ANKRD10: variants seen among roughly 807,000 people sequenced by gnomAD.
ANKRD10 encodes the protein ankyrin repeat domain 10, also known as ankyrin repeat domain-containing protein 10.
ANKRD10 carries 14 observed loss-of-function variants against 27.0 expected under a neutral mutation model. That is an observed-to-expected ratio of 0.52 (90% CI 0.34 to 0.81). ANKRD10 has a LOEUF of 0.81. Among genes scored for constraint, ANKRD10 ranks in the 40% least tolerant of loss-of-function variants. The pLI, the probability that ANKRD10 is intolerant of heterozygous loss-of-function variation, is 0.01. For missense variants in ANKRD10, 493 were observed against 544.0 expected, an observed-to-expected ratio of 0.91 and a Z score of 0.93; for synonymous variants, 250 against 224.5, an observed-to-expected ratio of 1.11 and a Z score of -1.01.
rs766786455 is a variant in ANKRD10 at position 110,893,182 on chromosome 13, G to A, written c.537C>T (p.Asn179=). 1.2e-6 allele frequency: 2 copies of A among 1,614,150 alleles called. No homozygotes were observed. Among genetic ancestry groups the A allele is most frequent in the Non-Finnish European group, 1.7e-6 (2 of 1,180,026 alleles). The change falls in exon 4 of 6, where the codon AAC becomes AAT. Residue 179 remains asparagine (N), a synonymous_variant. Coordinates refer to ENST00000267339, the MANE Select transcript of ANKRD10 (RefSeq NM_017664.4). ...AATGGTTCAGATGACAATTCTGGAG[G>A]TTCAAGAGAAACTGGGCACACTCTT... ...GFQECAQFLL[N]LQNCHLNHFY...
In ANKRD10 at chr13:110,880,092, C is replaced by T. The variant is rs755781873; in HGVS notation, c.808G>A (p.Val270Ile). Residue 270 changes from valine to isoleucine, a missense_variant, in exon 6 of 6, where the codon GTA becomes ATA. By Grantham distance (29) the Val-to-Ile change is conservative. Coordinates refer to ENST00000267339, the MANE Select transcript of ANKRD10 (RefSeq NM_017664.4). Reference sequence around the variant, plus strand: ...CATCCATTTGTCAATGTATTCGATACGGAGCTACTGTTTTTCATATCTGCA... The same window carrying T: ...CATCCATTTGTCAATGTATTCGATATGGAGCTACTGTTTTTCATATCTGCA... ...VVTDMKNSSS[V>I]SNTLTNGCVI... 1.9e-5 allele frequency: 30 copies of T among 1,613,736 alleles called. No homozygotes were observed. Among genetic ancestry groups the T allele is most frequent in the East Asian group, 1.1e-4 (5 of 44,876 alleles).
At chr13:110,889,257 G>A (rs1407230455) in intron 4 of ANKRD10, among the ~76,000 whole-genome samples, 3 of 152,062 alleles carry the variant, frequency 2.0e-5, no homozygotes, top group African/African-American at 7.2e-5. Flanking sequence ...CAGAGCAAAT[G>A]ATTGATAAAA....
intron 4 of ANKRD10, among the ~76,000 whole-genome samples, chr13:110,891,082 C>CT (rs2065060576): frequency 6.6e-6 from 1 of 152,114 alleles, no homozygotes. Context: ...TAAGTGATCT[C>CT]TTTTTAAAAA....
At position 110,879,378 on chromosome 13, in the gene ANKRD10, T is replaced by G; in HGVS notation, c.*259A>C. 2.9e-5 allele frequency: 13 copies of G among 454,280 alleles called. No individual in the cohort carries two copies. The highest frequency in any genetic ancestry group is 6.9e-5 in the East Asian group (2 of 28,792). 28.1% of individuals were successfully genotyped at this position (454,280 alleles called of 1,614,324 possible). On this transcript the variant is annotated 3_prime_UTR_variant, in exon 6 of 6. Transcript: ENST00000267339. ...GGTGACAGTATTAAAAAGACAATGT[T>G]GAGATTGGCATCAGAAAAACTCCAA... is the stretch of plus-strand genomic sequence containing the variant.
chr13:110,899,555 A>C (rs2065326289), intron 3 of ANKRD10, among the ~76,000 whole-genome samples: 1 of 152,210 alleles, frequency 6.6e-6, no homozygotes, highest in Admixed American at 6.5e-5. Flanking sequence ...TTCTAGTTTG[A>C]AGTTCTAAAA....
At chr13:110,904,242 T>G (rs780354386) in intron 3 of ANKRD10, 1 of 152,180 alleles carries the variant, frequency 6.6e-6, no homozygotes, top group Non-Finnish European at 1.5e-5. Flanking sequence ...GTCACCATAA[T>G]GCAGGGTCTT....
rs1447867000 is a variant in ANKRD10 at position 110,879,083 on chromosome 13, C to T, written c.*554G>A. 6.3e-6 allele frequency: 1 copy of T among 157,912 alleles called. No homozygotes were observed. Among genetic ancestry groups the T allele is most frequent in the Non-Finnish European group, 1.4e-5 (1 of 71,030 alleles). The allele number at this position is 157,912 out of a possible 1,614,324, so 9.8% of individuals were successfully genotyped here. ...TAAGGAGGGACCACTGTGTCCACAACTAAAACCTTCAACCACATGGTGATC... is the reference window on the plus strand; with the variant it reads ...TAAGGAGGGACCACTGTGTCCACAATTAAAACCTTCAACCACATGGTGATC... On this transcript the variant is annotated 3_prime_UTR_variant, in exon 6 of 6. Coordinates refer to ENST00000267339, the MANE Select transcript of ANKRD10 (RefSeq NM_017664.4).
chr13:110,880,232 C>T, intron 5 of ANKRD10, 120 bp from the exon 6 acceptor site: 2 of 871,130 alleles, frequency 2.3e-6, no homozygotes, highest in South Asian at 1.8e-5. Context: ...TCCTTTTAAA[C>T]CAGTTCTTTT....
intron 1 of ANKRD10, chr13:110,914,515 C>CCGCCCCG (rs1482764097): frequency 2.1e-5 from 12 of 561,380 alleles, no homozygotes; most frequent in Admixed American, 4.7e-5. Context: ...GACCTCGCTT[C>CCGCCCCG]CGCCCCGCGC....
At chr13:110,885,559 A>G (rs563673481) in intron 4 of ANKRD10, among the ~76,000 whole-genome samples, 1 of 152,188 alleles carries the variant, frequency 6.6e-6, no homozygotes, top group South Asian at 2.1e-4. Context: ...AAAAAAGAAA[A>G]AAAGAAAGAA....
At chr13:110,904,604 GTT>G (rs1167861520) in intron 3 of ANKRD10, among the ~76,000 whole-genome samples, 8 of 152,150 alleles carry the variant, frequency 5.3e-5, no homozygotes. Flanking sequence ...TATAATGAAA[GTT>G]TGTTATAAAA....
At chr13:110,897,464 A>T (rs539172587) in intron 3 of ANKRD10, among the ~76,000 whole-genome samples, 1 of 151,866 alleles carries the variant, frequency 6.6e-6, no homozygotes, top group East Asian at 1.9e-4. Flanking sequence ...CAGTACATGG[A>T]GTATTTATCT....
At chr13:110,896,456 C>T (rs943480901) in intron 3 of ANKRD10, among the ~76,000 whole-genome samples, 14 of 152,160 alleles carry the variant, frequency 9.2e-5, no homozygotes, top group South Asian at 6.2e-4. Context: ...ATCTCTTGCC[C>T]CTGAAAGTCC....
chr13:110,896,180 T>C (rs1390711870), intron 3 of ANKRD10, among the ~76,000 whole-genome samples: 1 of 152,196 alleles, frequency 6.6e-6, no homozygotes, highest in African/African-American at 2.4e-5. Flanking sequence ...CTAGGACACA[T>C]GGTAACTGGA....
chr13:110,897,577 T>C (rs2065263254), intron 3 of ANKRD10, among the ~76,000 whole-genome samples: 1 of 151,974 alleles, frequency 6.6e-6, no homozygotes, highest in Admixed American at 6.6e-5. Context: ...TTCCACGGGG[T>C]ATATATACCA....
intron 4 of ANKRD10, among the ~76,000 whole-genome samples, chr13:110,891,594 C>T (rs2065074767): frequency 2.0e-5 from 3 of 152,248 alleles, no homozygotes; most frequent in Admixed American, 2.0e-4. Flanking sequence ...AAAAATGTTT[C>T]ACTTGGACAC....
Position 110,880,090 on chromosome 13 carries a change from T to C in ANKRD10, c.810A>G (p.Val270=), listed in dbSNP as rs927425688. ...VVTDMKNSSS[V]SNTLTNGCVI... ...CACATCCATTTGTCAATGTATTCGATACGGAGCTACTGTTTTTCATATCTG... is the reference window on the plus strand; with the variant it reads ...CACATCCATTTGTCAATGTATTCGACACGGAGCTACTGTTTTTCATATCTG... Residue 270 remains valine, a synonymous_variant, in exon 6 of 6, where the codon GTA becomes GTG. Transcript: ENST00000267339. 2 of 1,613,908 alleles carry C rather than the reference T, an allele frequency of 1.2e-6. No homozygotes were observed. The highest frequency in any genetic ancestry group is 2.2e-5 in the East Asian group (1 of 44,876).
chr13:110,911,374 C>A (rs1364268113), intron 1 of ANKRD10, among the ~76,000 whole-genome samples: 1 of 152,100 alleles, frequency 6.6e-6, no homozygotes, highest in East Asian at 1.9e-4. Context: ...ATTGCTTGAA[C>A]CCAGAAGGCG....
chr13:110,899,396 T>C (rs2065321537), intron 3 of ANKRD10, among the ~76,000 whole-genome samples: 2 of 152,200 alleles, frequency 1.3e-5, no homozygotes, highest in South Asian at 4.1e-4. Flanking sequence ...ACCTAAAACG[T>C]GTGTCTGTTC....
Sources: gnomAD v4.1 joint callset for allele counts (sites outside exome capture counted in the v4.1 genomes callset) on GRCh38, gnomAD v4.1.1 for gene constraint, MANE v1.5 for transcripts, NCBI Gene and HGNC (gene_info 2026-07-23, HGNC 2026-07-21) for gene names.